Variants in EIF2D observed in about 807,000 individuals in gnomAD.
EIF2D encodes hepatocellular carcinoma-associated antigen 56.
Under a neutral mutation model 77.4 loss-of-function variants are expected in EIF2D, and 56 were observed. The ratio of observed to expected loss-of-function variants is 0.72; its 90% CI spans 0.58 to 0.90. The LOEUF is 0.90. Ranked by LOEUF, EIF2D falls within the 40% of genes least tolerant of loss-of-function variation. The pLI, the probability that EIF2D is intolerant of heterozygous loss-of-function variation, is 0.00. For synonymous variants in EIF2D, 230 were observed against 271.0 expected (o/e 0.85, Z 1.49); for missense variants, 574 against 706.5 (o/e 0.81, Z 2.13).
At position 206,592,770 on chromosome 1, in the gene EIF2D, A is replaced by G. The variant is rs1669406033; in HGVS notation, c.1684+849T>C. On this transcript the variant is annotated intron_variant, in intron 14 of 14. Coordinates refer to ENST00000271764, the MANE Select transcript of EIF2D (RefSeq NM_006893.3). The surrounding 1 kb of genome is among the most constrained non-coding windows in gnomAD (Gnocchi z 4.7). ...TGTGAAGGCTGGTTTGAAGTGAGGAAAAACGGGAGGCTGGGTTACCCAGAG... is the reference window on the plus strand; with the variant it reads ...TGTGAAGGCTGGTTTGAAGTGAGGAGAAACGGGAGGCTGGGTTACCCAGAG... Among the ~76,000 whole-genome samples, 1 of 152,204 alleles carries G rather than the reference A, an allele frequency of 6.6e-6. No homozygotes were observed. Among genetic ancestry groups the G allele is most frequent in the Admixed American group, 6.5e-5 (1 of 15,282 alleles).
At position 206,592,360 on chromosome 1, in the gene EIF2D, A is replaced by G. The variant is rs1305064448; in HGVS notation, c.1685-515T>C. Among the ~76,000 whole-genome samples the G allele has an allele frequency of 6.6e-6, 1 of 152,248 alleles. No individual in the cohort carries two copies. The highest frequency in any genetic ancestry group is 1.5e-5 in the Non-Finnish European group (1 of 68,038). Reference sequence around the variant, plus strand: ...TAACCGGAAATATAAACACAATTGGAAAGTGCTACATTAGCAATGTTTAAA... The same window carrying G: ...TAACCGGAAATATAAACACAATTGGGAAGTGCTACATTAGCAATGTTTAAA... On this transcript the variant is annotated intron_variant, in intron 14 of 14. Coordinates refer to ENST00000271764, the MANE Select transcript of EIF2D (RefSeq NM_006893.3). The surrounding 1 kb of genome is among the most constrained non-coding windows in gnomAD (Gnocchi z 4.7).
rs17012523 is a variant in EIF2D at position 206,603,587 on chromosome 1, G to A, written c.531-383C>T. ...TGAATTAAATATGAACATTAAGATC[G>A]CGAATGCATCTGTAATATCTGTTTG... is the stretch of plus-strand genomic sequence containing the variant. On this transcript the variant is annotated intron_variant, in intron 5 of 14. Transcript: ENST00000271764. 1,794 of 183,366 alleles carry A rather than the reference G, an allele frequency of 9.8e-3. 30 individuals carry two copies. The highest frequency in any genetic ancestry group is 0.069 in the South Asian group (531 of 7,712). The allele number at this position is 183,366 out of a possible 1,614,324, so 11.4% of individuals were successfully genotyped here.
Position 206,599,263 on chromosome 1 carries a change from G to A in EIF2D, c.1203-171C>T, listed in dbSNP as rs532915765. Among the ~76,000 whole-genome samples the A allele has an allele frequency of 2.6e-5, 4 of 152,260 alleles. No homozygotes were observed. Among genetic ancestry groups the A allele is most frequent in the African/African-American group, 7.2e-5 (3 of 41,554 alleles). On this transcript the variant is annotated intron_variant, in intron 10 of 14. Coordinates refer to ENST00000271764, the MANE Select transcript of EIF2D (RefSeq NM_006893.3). The surrounding 1 kb of genome is among the most constrained non-coding windows in gnomAD (Gnocchi z 4.1). ...ATGACCATGTGAAGAATAATTACAC[G>A]CAGAAAAGGGTGAGACCTACTCGTT...
rs782800859 is a variant in EIF2D, at chr1:206,595,809, T to A, written c.1418A>T (p.Gln473Leu). The part of the protein sequence containing the change: ...RCLEKLQPAY[Q>L]VTLPGQEPIV... ...GGGCTCTTGTCCGGGAAGGGTCACT[T>A]GATAGGCAGGCTGTAATTTTTCCAA... is the stretch of plus-strand genomic sequence containing the variant. The change falls in exon 13 of 15, where the codon CAA (glutamine) becomes CTA (leucine). Residue 473 changes from glutamine to leucine, a missense_variant. By Grantham distance (113) the Gln-to-Leu change is moderately radical (BLOSUM62 -2). Transcript: ENST00000271764. 24 of 1,614,078 alleles carry A rather than the reference T, an allele frequency of 1.5e-5. No homozygotes were observed. The highest frequency in any genetic ancestry group is 2.0e-5 in the Non-Finnish European group (24 of 1,180,032).
rs1553410272 is a variant in EIF2D, at chr1:206,597,112, C to T, written c.1376G>A (p.Ser459Asn). The change falls in exon 12 of 15, where the codon AGT becomes AAT. Residue 459 changes from serine (S) to asparagine (N), a missense_variant. Transcript: ENST00000271764. Reference sequence around the variant, plus strand: ...CAATGCTCGTTACCTGGTCAGAAGACTGTCCCATGGAAGCTTCATGACTGT... The same window carrying T: ...CAATGCTCGTTACCTGGTCAGAAGATTGTCCCATGGAAGCTTCATGACTGT... Reference protein sequence around the residue: ...QHTVMKLPWDSLLTRCLEKLQ... With the variant: ...QHTVMKLPWDNLLTRCLEKLQ... The T allele has an allele frequency of 5.6e-6, 9 of 1,613,976 alleles. No individual in the cohort carries two copies. Among genetic ancestry groups the T allele is most frequent in the Non-Finnish European group, 6.8e-6 (8 of 1,179,906 alleles).
At chr1:206,581,407 G>A (rs968011335) in intron 2 of EIF2D, among the ~76,000 whole-genome samples, 2 of 152,088 alleles carry the variant, frequency 1.3e-5, no homozygotes, top group African/African-American at 4.8e-5. Context: ...ACATCAGCCT[G>A]GCCAATATGG....
Position 206,591,726 on chromosome 1 carries a change from C to G in EIF2D, c.*49G>C. 6.5e-7 allele frequency: 1 copy of G among 1,548,500 alleles called. No individual in the cohort carries two copies. The highest frequency in any genetic ancestry group is 8.9e-7 in the Non-Finnish European group (1 of 1,120,508). ...GAAAATGCTCATAAAAATTACCAGC[C>G]CAGAGCTTGGATTTCCACCGGATCC... On this transcript the variant is annotated 3_prime_UTR_variant, in exon 15 of 15. Transcript: ENST00000271764.
In EIF2D at chr1:206,581,672, G is replaced by GGAAA. The variant is rs139599723; in HGVS notation, c.139-514_139-511dup. Among the ~76,000 whole-genome samples the GGAAA allele has an allele frequency of 1.5e-3, 233 of 151,402 alleles. 1 individual carries two copies. Among genetic ancestry groups the GGAAA allele is most frequent in the Middle Eastern group, 3.4e-3 (1 of 292 alleles). Reference sequence around the variant, plus strand: ...GAGAGAAAGAAAAGGAAGGAAGGAAGGAAAGAAAGAAAGGAGGATGTCAGC... The same window carrying GGAAA: ...GAGAGAAAGAAAAGGAAGGAAGGAAGGAAAGAAAGAAAGAAAGGAGGATGTCAGC... On this transcript the variant is annotated intron_variant and NMD_transcript_variant, in intron 2 of 5. Transcript: ENST00000472709.
intron 4 of EIF2D, among the ~76,000 whole-genome samples, chr1:206,605,934 C>T (rs1297638499): frequency 6.6e-6 from 1 of 152,092 alleles, no homozygotes; most frequent in Non-Finnish European, 1.5e-5. Flanking sequence ...ATAAATTAGG[C>T]TGAGGGATGC....
chr1:206,610,971 T>C (rs1442624734), intron 2 of EIF2D, among the ~76,000 whole-genome samples: 2 of 152,128 alleles, frequency 1.3e-5, no homozygotes, highest in African/African-American at 4.8e-5. Context: ...TTTTAATCCC[T>C]CCTATAGTGG....
At chr1:206,593,506 A>AGTGTGTGTGTGCGTGCGTGT (rs1286437460) in intron 14 of EIF2D, 113 bp downstream of exon 14, 3 of 442,734 alleles carry the variant, frequency 6.8e-6, no homozygotes, top group Admixed American at 8.9e-5. Context: ...AGAGAGAGAG[A>AGTGTGTGTGTGCGTGCGTGT]GAGTGTGTGT....
intron 3 of EIF2D, 73 bp downstream of exon 3, chr1:206,609,303 A>G: frequency 7.2e-7 from 1 of 1,391,842 alleles, no homozygotes; most frequent in African/African-American, 1.4e-5. Context: ...GGAAATGGGT[A>G]AGTTTATTAC....
downstream of EIF2D, among the ~76,000 whole-genome samples, chr1:206,590,202 C>T (rs900541525): frequency 1.3e-5 from 2 of 152,112 alleles, no homozygotes; most frequent in African/African-American, 4.8e-5. Context: ...AATGTGTCAC[C>T]GTTACTGGAA....
Position 206,599,768 on chromosome 1 carries a change from C to T in EIF2D, c.1017G>A (p.Val339=). ...IIQVKELSKG[V]ESIVAVDWKH... ...TCCAGTCCACAGCCACAATGCTCTCCACCCCTTTGCTCAGCTCCTTCACCT... is the reference window on the plus strand; with the variant it reads ...TCCAGTCCACAGCCACAATGCTCTCTACCCCTTTGCTCAGCTCCTTCACCT... The change falls in exon 9 of 15, where the codon GTG becomes GTA. Residue 339 remains valine (V), a synonymous_variant. Transcript: ENST00000271764. The surrounding 1 kb of genome is among the most constrained non-coding windows in gnomAD (Gnocchi z 4.1). The T allele has an allele frequency of 1.2e-6, 2 of 1,614,186 alleles. No homozygotes were observed. Among genetic ancestry groups the T allele is most frequent in the Non-Finnish European group, 1.7e-6 (2 of 1,180,026 alleles).
rs1669053175 is a variant in EIF2D, at chr1:206,585,020, T to G, written c.139-3858A>C. The G allele has an allele frequency of 4.6e-6, 3 of 653,822 alleles. No homozygotes were observed. The East Asian group carries it at 7.7e-5, about 17-fold the overall frequency. The allele number at this position is 653,822 out of a possible 1,614,324, so 40.5% of individuals were successfully genotyped here. A position where few individuals can be genotyped will look rare whatever the true frequency, so the allele number is the denominator to read the frequency against. On this transcript the variant is annotated intron_variant and NMD_transcript_variant, in intron 2 of 5. Coordinates refer to the EIF2D transcript ENST00000472709. ...TGAGCAGACACCCAAGATAAAAGGT[T>G]ATTGCCCTGTTCATTACTGTCATGT...
intron 4 of EIF2D, among the ~76,000 whole-genome samples, chr1:206,577,322 G>C (rs2103560604): frequency 6.6e-6 from 1 of 152,174 alleles, no homozygotes; most frequent in East Asian, 1.9e-4. Context: ...AAGGACTCAA[G>C]GAAAATGAAA....
chr1:206,598,439 T>A (rs1669754396), intron 11 of EIF2D, among the ~76,000 whole-genome samples: 1 of 152,220 alleles, frequency 6.6e-6, no homozygotes, highest in Non-Finnish European at 1.5e-5. Flanking sequence ...AATATACAGT[T>A]AGATAGAAGA....
chr1:206,590,599 G>T (rs1669310621), downstream of EIF2D, among the ~76,000 whole-genome samples: 2 of 152,218 alleles, frequency 1.3e-5, no homozygotes, highest in South Asian at 4.2e-4. Flanking sequence ...GGTAGAGATA[G>T]GATTAGTGAA....
downstream of EIF2D, chr1:206,588,890 C>A (rs1258913978): frequency 6.5e-6 from 1 of 152,672 alleles, no homozygotes; most frequent in Non-Finnish European, 1.5e-5. Flanking sequence ...CCTGCTGCAA[C>A]CGCTGTGAAT....
Sources: allele counts gnomAD v4.1 joint callset (sites outside exome capture counted in the v4.1 genomes callset), GRCh38; gene constraint gnomAD v4.1.1; non-coding constraint Gnocchi (gnomAD v3.1); transcripts MANE v1.5; gene names NCBI Gene and HGNC (gene_info 2026-07-23, HGNC 2026-07-21).